Variants in GPATCH8 observed in about 807,000 individuals in gnomAD.
GPATCH8 encodes the protein G-patch domain containing 8.
In GPATCH8, 18 loss-of-function variants were observed where a neutral mutation model predicts 118.3. That is an observed-to-expected ratio of 0.15 (90% CI 0.11 to 0.23). The LOEUF (loss-of-function observed/expected upper bound fraction) is 0.23. Among genes scored for constraint, GPATCH8 ranks in the 10% least tolerant of loss-of-function variants. The pLI, the probability that GPATCH8 is intolerant of heterozygous loss-of-function variation, is 1.00. For missense variants in GPATCH8, 1,631 were observed against 1,873.8 expected, an observed-to-expected ratio of 0.87 and a Z score of 2.39; for synonymous variants, 659 against 684.7, an observed-to-expected ratio of 0.96 and a Z score of 0.59.
At chr17:44,413,154 A>G (rs1424055607) in intron 6 of GPATCH8, among the ~76,000 whole-genome samples, 1 of 152,244 alleles carries the variant, frequency 6.6e-6, no homozygotes, top group Non-Finnish European at 1.5e-5. Flanking sequence ...TTAGTAAGTG[A>G]TGAAAATTAA....
intron 1 of GPATCH8, among the ~76,000 whole-genome samples, chr17:44,495,838 A>G (rs1327255553): frequency 6.6e-6 from 1 of 152,108 alleles, no homozygotes; most frequent in Non-Finnish European, 1.5e-5. Context: ...TACAGCATAC[A>G]ATCCACAAGC....
intron 3 of GPATCH8, among the ~76,000 whole-genome samples, chr17:44,445,153 T>C (rs2050832361): frequency 6.6e-6 from 1 of 152,178 alleles, no homozygotes; most frequent in Non-Finnish European, 1.5e-5. Flanking sequence ...TTTCTTGTTA[T>C]CACTCAGTAG....
chr17:44,427,208 T>G (rs1405219061), intron 5 of GPATCH8, among the ~76,000 whole-genome samples: 1 of 152,080 alleles, frequency 6.6e-6, no homozygotes, highest in East Asian at 1.9e-4. Context: ...TCTGAGTTGC[T>G]AGGACCACAG....
chr17:44,503,397 G>T lies in GPATCH8; in HGVS notation c.-27C>A, dbSNP rs769108588. The T allele has an allele frequency of 1.9e-6, 3 of 1,589,434 alleles. No homozygotes were observed. ...TTGCCGCCTTCACTCCTCTCAGGAC[G>T]ACGCTCTCCGGTTCGCTCCTTCCCT... On this transcript the variant is annotated 5_prime_UTR_variant, in exon 1 of 8. Coordinates refer to ENST00000591680, the MANE Select transcript of GPATCH8 (RefSeq NM_001002909.4).
At chr17:44,405,269 C>T (rs369051075) in intron 7 of GPATCH8, among the ~76,000 whole-genome samples, 9 of 145,594 alleles carry the variant, frequency 6.2e-5, no homozygotes, top group African/African-American at 1.5e-4. Flanking sequence ...AGTGTAATGG[C>T]GCAATCTTGG....
intron 3 of GPATCH8, among the ~76,000 whole-genome samples, chr17:44,452,256 G>T (rs2051139416): frequency 8.5e-6 from 1 of 116,996 alleles, no homozygotes; most frequent in Non-Finnish European, 1.6e-5. Context: ...CTGGGTGACA[G>T]AGCAACACTC....
intron 6 of GPATCH8, among the ~76,000 whole-genome samples, chr17:44,418,494 G>A (rs531225651): frequency 6.9e-6 from 1 of 145,362 alleles, no homozygotes; most frequent in South Asian, 2.2e-4. Context: ...TTGCTCTGTC[G>A]CCCAGGCTGG....
intron 1 of GPATCH8, among the ~76,000 whole-genome samples, chr17:44,481,902 A>G (rs1968280541): frequency 6.6e-6 from 1 of 152,102 alleles, no homozygotes; most frequent in African/African-American, 2.4e-5. Flanking sequence ...CAGGCAGATC[A>G]CTTGAGGTCA....
At chr17:44,461,070 T>C (rs1395183346) in intron 3 of GPATCH8, among the ~76,000 whole-genome samples, 3 of 152,220 alleles carry the variant, frequency 2.0e-5, no homozygotes, top group East Asian at 1.9e-4. Context: ...TTAAAACAGA[T>C]GGACTTTGCA....
chr17:44,405,891 G>C (rs1328428596), intron 7 of GPATCH8, 30 bp downstream of exon 7: 2 of 1,473,782 alleles, frequency 1.4e-6, no homozygotes, highest in Admixed American at 1.7e-5. Flanking sequence ...ATAATTATCT[G>C]TACAACCCTC....
chr17:44,476,148 T>G (rs1371470542), intron 1 of GPATCH8, among the ~76,000 whole-genome samples: 4 of 152,188 alleles, frequency 2.6e-5, no homozygotes, highest in African/African-American at 7.2e-5. Context: ...CACCAACTCT[T>G]TTAGACTGAC....
chr17:44,462,007 T>C (rs947051359), intron 3 of GPATCH8, among the ~76,000 whole-genome samples: 26 of 152,010 alleles, frequency 1.7e-4, no homozygotes, highest in Non-Finnish European at 7.4e-5. Flanking sequence ...GCCTAAAATC[T>C]CCTTAAAAAC....
chr17:44,398,033 G>A lies in GPATCH8; in HGVS notation c.4044C>T (p.Ala1348=), dbSNP rs773416035. 2 of 1,613,770 alleles carry A rather than the reference G, an allele frequency of 1.2e-6. No homozygotes were observed. The highest frequency in any genetic ancestry group is 2.7e-5 in the African/African-American group (2 of 74,914). ...GCAGGGCTGGTGTGGCTGGGGCCAG[G>A]GCAGCTGAGGCTGGAAAGGCCTTTA... ...KQVKAFPASA[A]LAPATPALQP... Residue 1348 remains alanine (A), a synonymous_variant, in exon 8 of 8, where the codon GCC becomes GCT. Coordinates refer to ENST00000591680, the MANE Select transcript of GPATCH8 (RefSeq NM_001002909.4).
intron 1 of GPATCH8, among the ~76,000 whole-genome samples, chr17:44,492,550 C>T (rs1030735761): frequency 4.0e-5 from 6 of 150,892 alleles, no homozygotes; most frequent in African/African-American, 1.2e-4. Context: ...CCAGCCTGGG[C>T]GACAGAGCAA....
intron 1 of GPATCH8, among the ~76,000 whole-genome samples, chr17:44,490,898 T>C (rs1055228116): frequency 2.6e-5 from 4 of 152,214 alleles, no homozygotes; most frequent in African/African-American, 9.6e-5. Context: ...AATTTGGTTG[T>C]GGTGATCATT....
intron 1 of GPATCH8, among the ~76,000 whole-genome samples, chr17:44,500,255 T>C (rs925636202): frequency 2.6e-5 from 4 of 152,208 alleles, no homozygotes; most frequent in African/African-American, 9.6e-5. Flanking sequence ...TTAACAGATG[T>C]ATGTAATTGG....
At chr17:44,404,530 G>C (rs1450368194) in intron 7 of GPATCH8, among the ~76,000 whole-genome samples, 1 of 152,036 alleles carries the variant, frequency 6.6e-6, no homozygotes, top group Non-Finnish European at 1.5e-5. Context: ...TGATGTGCTA[G>C]GCATCCCTTC....
At chr17:44,414,068 T>A (rs1226722218) in intron 6 of GPATCH8, among the ~76,000 whole-genome samples, 1 of 146,936 alleles carries the variant, frequency 6.8e-6, no homozygotes, top group Non-Finnish European at 1.5e-5. Context: ...CATATATATA[T>A]ATATATATAT....
chr17:44,501,768 T>C (rs1458982785), intron 1 of GPATCH8, among the ~76,000 whole-genome samples: 1 of 152,184 alleles, frequency 6.6e-6, no homozygotes, highest in African/African-American at 2.4e-5. Context: ...GTCCATATTA[T>C]CTATTTTCGA....
Sources: allele counts gnomAD v4.1 joint callset (sites outside exome capture counted in the v4.1 genomes callset), GRCh38; gene constraint gnomAD v4.1.1; transcripts MANE v1.5; gene names NCBI Gene and HGNC (gene_info 2026-07-23, HGNC 2026-07-21).